Variants in DGKB observed in about 807,000 individuals in gnomAD.
DGKB encodes the protein 90 kDa diacylglycerol kinase.
A neutral mutation model predicts 114.3 loss-of-function variants in DGKB; 67 were observed. The observed-to-expected ratio is 0.59, with a 90% CI of 0.48 to 0.72. The LOEUF (loss-of-function observed/expected upper bound fraction) is 0.72, where lower values mean the gene tolerates loss of function less well. DGKB is among the 30% of genes least tolerant of loss of function. The pLI, the probability that DGKB is intolerant of heterozygous loss-of-function variation, is 0.00. For missense variants in DGKB, 907 were observed against 975.2 expected (o/e 0.93, Z 0.93); for synonymous variants, 398 against 323.1 (o/e 1.23, Z -2.49).
rs192361929 is a variant in DGKB, at chr7:14,791,886, C to A, written c.71-34155G>T. The stretch of plus-strand genomic sequence containing the variant: ...ATCCATCTTTCCTTTTTTTGGTCTT[C>A]ATTTTTTCATTGTGTTCATGAGGGA... On this transcript the variant is annotated intron_variant, in intron 2 of 25. Transcript: ENST00000402815. 2.1e-3 allele frequency among the ~76,000 whole-genome samples: 323 copies of A among 152,068 alleles called. 2 individuals are homozygous for A. The highest frequency in any genetic ancestry group is 3.0e-3 in the Non-Finnish European group (207 of 67,956).
intron 20 of DGKB, among the ~76,000 whole-genome samples, chr7:14,478,740 T>C (rs1782565529): frequency 6.6e-6 from 1 of 151,998 alleles, no homozygotes. Flanking sequence ...GCTCAGGTTG[T>C]CTTGATGTGT....
At chr7:14,798,757 T>C (rs943404164) in intron 2 of DGKB, among the ~76,000 whole-genome samples, 2 of 152,172 alleles carry the variant, frequency 1.3e-5, no homozygotes, top group African/African-American at 4.8e-5. Flanking sequence ...TCACAGCAGG[T>C]CCAGTGGGTC....
chr7:14,294,935 C>G (rs1660287583), intron 23 of DGKB, among the ~76,000 whole-genome samples: 1 of 152,078 alleles, frequency 6.6e-6, no homozygotes, highest in Non-Finnish European at 1.5e-5. Context: ...GAAAGAGTGA[C>G]CTAATGCAGT....
chr7:14,231,119 CTT>C (rs1223412810), intron 23 of DGKB, among the ~76,000 whole-genome samples: 1 of 125,060 alleles, frequency 8.0e-6, no homozygotes, highest in African/African-American at 3.0e-5. Flanking sequence ...TTCTTTCTTT[CTT>C]TCTTTCTTTC....
chr7:14,614,876 A>T (rs1199241945), intron 15 of DGKB, among the ~76,000 whole-genome samples: 1 of 152,150 alleles, frequency 6.6e-6, no homozygotes, highest in Non-Finnish European at 1.5e-5. Flanking sequence ...GAGCAGGAAA[A>T]ACTTATGCAC....
intron 12 of DGKB, among the ~76,000 whole-genome samples, chr7:14,676,750 A>C (rs16878257): frequency 0.024 from 3,595 of 152,042 alleles, 139 homozygotes; most frequent in African/African-American, 0.083. Context: ...AAATCAGCAA[A>C]ATCCTAAACA....
chr7:14,231,135 C>CTTTCTTTT lies in DGKB; in HGVS notation c.2123-52985_2123-52984insAAAAGAAA, dbSNP rs1554297223. Among the ~76,000 whole-genome samples the CTTTCTTTT allele has an allele frequency of 4.5e-3, 498 of 111,824 alleles. 5 individuals carry two copies. The highest frequency in any genetic ancestry group is 5.4e-3 in the Non-Finnish European group (280 of 51,414). 73.4% of individuals were successfully genotyped at this position (111,824 alleles called of 152,430 possible). ...TCTTTCTTTCTTTCTTTCTTTCTTT[C>CTTTCTTTT]TTTCTTTCTTTTTCTTTCTTTCTCT... On this transcript the variant is annotated intron_variant, in intron 23 of 25. Transcript: ENST00000402815.
chr7:14,526,953 A>G (rs1790745424), intron 20 of DGKB, among the ~76,000 whole-genome samples: 2 of 152,122 alleles, frequency 1.3e-5, no homozygotes, highest in Admixed American at 6.6e-5. Flanking sequence ...TATGCTTACA[A>G]ATCCTACTAG....
At chr7:14,914,295 C>G (rs745660621) in intron 1 of DGKB, among the ~76,000 whole-genome samples, 12 of 152,212 alleles carry the variant, frequency 7.9e-5, no homozygotes, top group Middle Eastern at 3.4e-3. Context: ...GGACTCAGAT[C>G]CACTAAGAAA....
At chr7:14,683,485 T>C (rs1001301656) in intron 10 of DGKB, among the ~76,000 whole-genome samples, 2 of 152,122 alleles carry the variant, frequency 1.3e-5, no homozygotes, top group African/African-American at 2.4e-5. Flanking sequence ...TAAGCAAATA[T>C]ATGTATCTAT....
intron 2 of DGKB, among the ~76,000 whole-genome samples, chr7:14,772,958 T>C (rs958526243): frequency 2.0e-5 from 3 of 152,144 alleles, no homozygotes; most frequent in African/African-American, 2.4e-5. Context: ...TGTACCTCAA[T>C]TGGGTTATCT....
intron 21 of DGKB, among the ~76,000 whole-genome samples, chr7:14,461,144 A>G (rs1179645397): frequency 6.6e-6 from 1 of 152,204 alleles, no homozygotes; most frequent in African/African-American, 2.4e-5. Flanking sequence ...CACAGGAAAG[A>G]GCAGGAAAGG....
At chr7:14,474,186 G>C (rs1781829733) in intron 21 of DGKB, among the ~76,000 whole-genome samples, 1 of 152,152 alleles carries the variant, frequency 6.6e-6, no homozygotes, top group African/African-American at 2.4e-5. Flanking sequence ...GTGGTAATTG[G>C]ATCATGGGGG....
chr7:14,861,111 G>A (rs1345512192), intron 1 of DGKB, among the ~76,000 whole-genome samples: 3 of 151,834 alleles, frequency 2.0e-5, no homozygotes, highest in Non-Finnish European at 4.4e-5. Flanking sequence ...CAGGTATCTG[G>A]CATATGTGTG....
At chr7:14,356,161 T>G (rs562344167) in intron 21 of DGKB, among the ~76,000 whole-genome samples, 3 of 152,092 alleles carry the variant, frequency 2.0e-5, no homozygotes, top group Non-Finnish European at 4.4e-5. Context: ...ATTTGATTCT[T>G]TCCTCTTTTC....
At chr7:14,769,232 A>C (rs770298241) in intron 2 of DGKB, among the ~76,000 whole-genome samples, 1 of 92,274 alleles carries the variant, frequency 1.1e-5, no homozygotes, top group Admixed American at 1.1e-4. Context: ...GAGAGAGAGA[A>C]AGAAAGAAAG....
At position 14,338,566 on chromosome 7, in the gene DGKB, C is replaced by T. The variant is rs1299840631; in HGVS notation, c.2071G>A (p.Asp691Asn). The change falls in exon 23 of 26, where the codon GAC becomes AAC. Residue 691 changes from aspartate to asparagine, a missense_variant. Asp to Asn is a conservative substitution (Grantham distance 23). This residue lies in a region of DGKB where 814 missense variants were observed against 856.6 expected (regional missense o/e 0.95). Coordinates refer to ENST00000402815, the MANE Select transcript of DGKB (RefSeq NM_001350709.2). ...SHRRIEKKGS[D>N]KRTTVTDAKE... ...GCATCTGTGACGGTGGTCCTTTTGTCAGACCCTTTTTTCTCTATTCGTCGA... is the reference window on the plus strand; with the variant it reads ...GCATCTGTGACGGTGGTCCTTTTGTTAGACCCTTTTTTCTCTATTCGTCGA... The T allele has an allele frequency of 6.2e-7, 1 of 1,607,880 alleles. No homozygotes were observed. Among genetic ancestry groups the T allele is most frequent in the African/African-American group, 1.3e-5 (1 of 74,614 alleles).
At chr7:14,181,444 C>T (rs1782624379) in intron 23 of DGKB, among the ~76,000 whole-genome samples, 1 of 152,204 alleles carries the variant, frequency 6.6e-6, no homozygotes, top group African/African-American at 2.4e-5. Flanking sequence ...GGGAGTCTCA[C>T]CACACTTGTG....
intron 23 of DGKB, among the ~76,000 whole-genome samples, chr7:14,184,029 G>C (rs1311306411): frequency 6.6e-6 from 1 of 152,160 alleles, no homozygotes; most frequent in Non-Finnish European, 1.5e-5. Context: ...CACTAGAGAA[G>C]CTGACAGTCC....
Sources: gnomAD v4.1 joint callset for allele counts (sites outside exome capture counted in the v4.1 genomes callset) on GRCh38, gnomAD v4.1.1 for gene constraint, gnomAD v4.1.1 regional missense constraint, MANE v1.5 for transcripts, NCBI Gene and HGNC (gene_info 2026-07-23, HGNC 2026-07-21) for gene names.